The following CHD7 variants were observed in gnomAD, a reference collection of about 807,000 sequenced individuals.
The protein encoded by CHD7 is ATP-dependent chromatin remodeler CHD7.
A neutral mutation model predicts 307.3 loss-of-function variants in CHD7; 24 were observed. That is an observed-to-expected ratio of 0.08 (90% confidence interval 0.06 to 0.11). The LOEUF (loss-of-function observed/expected upper bound fraction) is 0.11, where lower values mean the gene tolerates loss of function less well. Ranked by LOEUF, CHD7 falls within the 10% of genes least tolerant of loss-of-function variation. The pLI is 1.00. For missense variants in CHD7, 3,106 were observed against 3,727.1 expected, an observed-to-expected ratio of 0.83 and a Z score of 4.34; for synonymous variants, 1,363 against 1,349.9, an observed-to-expected ratio of 1.01 and a Z score of -0.21.
At chr8:60,754,420 A>AT (rs1809786491) in intron 2 of CHD7, among the ~76,000 whole-genome samples, 1 of 152,184 alleles carries the variant, frequency 6.6e-6, no homozygotes, top group Non-Finnish European at 1.5e-5. Context: ...AATGTTAAAT[A>AT]TTTTTTATTT....
intron 15 of CHD7, among the ~76,000 whole-genome samples, chr8:60,835,771 C>G (rs1204008339): frequency 6.6e-6 from 1 of 152,130 alleles, no homozygotes; most frequent in Non-Finnish European, 1.5e-5. Flanking sequence ...TTGTTTCTGC[C>G]ACTTCTGGCT....
chr8:60,720,496 G>C (rs1327637651), intron 1 of CHD7, among the ~76,000 whole-genome samples: 1 of 152,160 alleles, frequency 6.6e-6, no homozygotes, highest in Non-Finnish European at 1.5e-5. Context: ...TATTACCAGT[G>C]AAGTCAAGTA....
chr8:60,691,442 T>A (rs1806191258), intron 1 of CHD7, among the ~76,000 whole-genome samples: 1 of 152,250 alleles, frequency 6.6e-6, no homozygotes, highest in African/African-American at 2.4e-5. Context: ...TACAGTTTAC[T>A]TGTGCATCTT....
chr8:60,839,896 C>A (rs969195466), intron 19 of CHD7, among the ~76,000 whole-genome samples: 1 of 152,106 alleles, frequency 6.6e-6, no homozygotes, highest in Non-Finnish European at 1.5e-5. Context: ...TTTAATGAAG[C>A]CCAGTTTACC....
At position 60,865,918 on chromosome 8, in the gene CHD7, T is replaced by C. The variant is rs1380076552; in HGVS notation, c.8979T>C (p.Asn2993=). ...ATGGGGGGGATGAAATAGAAAACAA[T>C]GAAAATGATGAATAACCAGTACCAG... is the stretch of plus-strand genomic sequence containing the variant. The part of the protein sequence containing the change: ...SLDGGDEIEN[N]ENDE Residue 2993 remains asparagine (N), a synonymous_variant, in exon 38 of 38, where the codon AAT becomes AAC. Coordinates refer to ENST00000423902, the MANE Select transcript of CHD7 (RefSeq NM_017780.4). This position sits in a 1 kb window ranked among gnomAD's most constrained non-coding sequence, Gnocchi z 4.3. 1 of 1,601,110 alleles carries C rather than the reference T, an allele frequency of 6.2e-7. No homozygotes were observed. Among genetic ancestry groups the C allele is most frequent in the Admixed American group, 1.7e-5 (1 of 57,836 alleles).
chr8:60,714,406 G>GCCCCCCCCCCCCCCCCCCCCCCCC lies in CHD7; in HGVS notation c.-174-26832_-174-26831insCCCCCCCCCCCCCCCCCCCCCCCC, dbSNP rs71245516. Among the ~76,000 whole-genome samples the GCCCCCCCCCCCCCCCCCCCCCCCC allele has an allele frequency of 2.3e-4, 4 of 17,622 alleles. 1 individual carries two copies. Among genetic ancestry groups the GCCCCCCCCCCCCCCCCCCCCCCCC allele is most frequent in the Non-Finnish European group, 4.9e-4 (4 of 8,180 alleles). The allele number at this position is 17,622 out of a possible 152,430, so 11.6% of individuals were successfully genotyped here. A position where few individuals can be genotyped will look rare whatever the true frequency, so the allele number is the denominator to read the frequency against. On this transcript the variant is annotated intron_variant, in intron 1 of 37. Transcript: ENST00000423902. ...CTGACAACATGGCGGCCGGGAGAAG[G>GCCCCCCCCCCCCCCCCCCCCCCCC]CCCCCCCCCCCCCCCCCCCCCGCCC... is the stretch of plus-strand genomic sequence containing the variant.
chr8:60,775,025 A>C (rs1810884165), intron 2 of CHD7, among the ~76,000 whole-genome samples: 1 of 151,998 alleles, frequency 6.6e-6, no homozygotes, highest in South Asian at 2.1e-4. Flanking sequence ...ACTAATTCAG[A>C]ATGTGTTTAT....
chr8:60,759,525 C>T (rs1252267682), intron 2 of CHD7, among the ~76,000 whole-genome samples: 3 of 151,094 alleles, frequency 2.0e-5, no homozygotes, highest in Non-Finnish European at 4.4e-5. Context: ...CTCCCTCTTT[C>T]TCTCAGTCTC....
chr8:60,808,403 A>G, intron 7 of CHD7, 131 bp downstream of exon 7: 1 of 638,736 alleles, frequency 1.6e-6, no homozygotes, highest in East Asian at 2.8e-5. Context: ...CTGGGAGGCC[A>G]TTTTTTAACC....
intron 1 of CHD7, among the ~76,000 whole-genome samples, chr8:60,702,718 A>G (rs1806822845): frequency 6.6e-6 from 1 of 152,230 alleles, no homozygotes; most frequent in Non-Finnish European, 1.5e-5. Flanking sequence ...GAATCTTATT[A>G]TCTTTTGCTG....
chr8:60,742,583 C>T lies in CHD7; in HGVS notation c.1151C>T (p.Ser384Leu), dbSNP rs763681646. The T allele has an allele frequency of 6.2e-7, 1 of 1,613,856 alleles. No individual in the cohort carries two copies. Among genetic ancestry groups the T allele is most frequent in the South Asian group, 1.1e-5 (1 of 91,090 alleles). The change falls in exon 2 of 38, where the codon TCA becomes TTA. Residue 384 changes from serine to leucine, a missense_variant. This residue lies in a region of CHD7 where 998 missense variants were observed against 1,004.5 expected (regional missense o/e 0.99). Transcript: ENST00000423902. ...NQMNTQTMHP[S>L]QPQGTYASPP... ...ATGAACACACAAACTATGCATCCTT[C>T]ACAGCCTCAGGGAACTTATGCCTCT...
intron 2 of CHD7, among the ~76,000 whole-genome samples, chr8:60,760,788 A>G (rs62526482): frequency 0.033 from 5,047 of 151,736 alleles, 179 homozygotes; most frequent in African/African-American, 0.087. Context: ...TCAAAACCAC[A>G]ATGAGATACC....
chr8:60,712,591 T>C (rs1807335566), intron 1 of CHD7, among the ~76,000 whole-genome samples: 1 of 152,208 alleles, frequency 6.6e-6, no homozygotes, highest in South Asian at 2.1e-4. Context: ...TAGTATAGTA[T>C]TTTATTTTAA....
At chr8:60,840,322 C>T (rs945918315) in intron 19 of CHD7, among the ~76,000 whole-genome samples, 3 of 152,176 alleles carry the variant, frequency 2.0e-5, no homozygotes, top group Non-Finnish European at 4.4e-5. Flanking sequence ...CTCACAGGCA[C>T]TGTGTATTCA....
At chr8:60,782,021 C>T (rs1395882094) in intron 3 of CHD7, among the ~76,000 whole-genome samples, 1 of 152,188 alleles carries the variant, frequency 6.6e-6, no homozygotes, top group Non-Finnish European at 1.5e-5. Flanking sequence ...ATATTCCCCC[C>T]ATCAATTCTC....
intron 1 of CHD7, among the ~76,000 whole-genome samples, chr8:60,733,658 T>G (rs1808566826): frequency 6.6e-6 from 1 of 152,238 alleles, no homozygotes; most frequent in Non-Finnish European, 1.5e-5. Context: ...TTTGACCACT[T>G]TGGAAAAAGC....
chr8:60,731,603 T>C (rs1808460645), intron 1 of CHD7, among the ~76,000 whole-genome samples: 1 of 152,254 alleles, frequency 6.6e-6, no homozygotes. Context: ...AAATATTGGA[T>C]ATGCAACTGT....
intron 3 of CHD7, among the ~76,000 whole-genome samples, chr8:60,788,741 G>C (rs1445355125): frequency 1.3e-5 from 2 of 152,216 alleles, no homozygotes; most frequent in African/African-American, 4.8e-5. Context: ...CTGAGCACTA[G>C]TGGGGCCTTC....
rs2068096 is a variant in CHD7, at chr8:60,853,001, G to C, written c.6276G>C (p.Glu2092Asp). The C allele has an allele frequency of 6.2e-7, 1 of 1,613,912 alleles. No homozygotes were observed. Among genetic ancestry groups the C allele is most frequent in the Non-Finnish European group, 8.5e-7 (1 of 1,179,878 alleles). Residue 2092 changes from glutamate to aspartate, a missense_variant, in exon 31 of 38, where the codon GAG becomes GAC. Around this residue, in one of 10 missense-constraint regions of CHD7, gnomAD observed 1,030 missense variants for 1,165.4 expected, o/e 0.88. Coordinates refer to ENST00000423902, the MANE Select transcript of CHD7 (RefSeq NM_017780.4). ...QPSLDLPEWWECGRHDRDLLV... is the reference protein window; with the variant it reads ...QPSLDLPEWWDCGRHDRDLLV... ...GCTTGGATCTGCCAGAGTGGTGGGAGTGTGGACGGCATGACCGAGACTTGC... is the reference window on the plus strand; with the variant it reads ...GCTTGGATCTGCCAGAGTGGTGGGACTGTGGACGGCATGACCGAGACTTGC...
Sources: gnomAD v4.1 joint callset for allele counts (sites outside exome capture counted in the v4.1 genomes callset) on GRCh38, gnomAD v4.1.1 for gene constraint, gnomAD v4.1.1 regional missense constraint, Gnocchi (gnomAD v3.1) non-coding constraint, MANE v1.5 for transcripts, NCBI Gene and HGNC (gene_info 2026-07-23, HGNC 2026-07-21) for gene names.